Variants in SPTBN1 observed in about 807,000 individuals in gnomAD.
SPTBN1 encodes the protein spectrin beta, non-erythrocytic 1.
A neutral mutation model predicts 266.4 loss-of-function variants in SPTBN1; 32 were observed. The ratio of observed to expected loss-of-function variants is 0.12; its 90% CI spans 0.09 to 0.16. SPTBN1 has a LOEUF of 0.16. Among genes scored for constraint, SPTBN1 ranks in the 10% least tolerant of loss-of-function variants. The pLI, the probability that SPTBN1 is intolerant of heterozygous loss-of-function variation, is 1.00. For missense variants in SPTBN1, 2,296 were observed against 3,067.1 expected (o/e 0.75, Z 5.94); for synonymous variants, 1,336 against 1,162.2 (o/e 1.15, Z -3.04).
At chr2:54,622,213 T>C in intron 8 of SPTBN1, 87 bp from the exon 9 acceptor site, 1 of 1,420,380 alleles carries the variant, frequency 7.0e-7, no homozygotes, top group African/African-American at 1.4e-5. Context: ...CCGGTCGTTT[T>C]GTGTGCATGC....
intron 27 of SPTBN1, 39 bp from the exon 28 acceptor site, chr2:54,655,031 C>T (rs771058182): frequency 1.0e-5 from 16 of 1,573,936 alleles, no homozygotes; most frequent in Admixed American, 1.9e-5. Flanking sequence ...TTTTGAAAAG[C>T]TTGATCTCCT....
intron 7 of SPTBN1, among the ~76,000 whole-genome samples, chr2:54,618,913 T>C (rs1018699655): frequency 3.3e-5 from 5 of 152,238 alleles, no homozygotes; most frequent in African/African-American, 1.2e-4. Context: ...CTGACCTGTT[T>C]GGAGCAGTTC....
In SPTBN1 at chr2:54,631,056, G is replaced by C. The variant is rs79576953; in HGVS notation, c.3009G>C (p.Arg1003=). The part of the protein sequence containing the change: ...ALQRKLTGME[R]DLVAIEAKLS... ...AGCGCAAGCTGACCGGCATGGAGCG[G>C]GACTTGGTGGCCATTGAGGCAAAGC... Residue 1003 remains arginine, a synonymous_variant, in exon 16 of 36, where the codon CGG becomes CGC. Transcript: ENST00000356805. 0.014 allele frequency: 22,146 copies of C among 1,613,996 alleles called. 392 individuals carry two copies. Among genetic ancestry groups the C allele is most frequent in the South Asian group, 0.064 (5,840 of 91,084 alleles).
intron 2 of SPTBN1, among the ~76,000 whole-genome samples, chr2:54,594,366 T>C (rs1280272406): frequency 3.9e-5 from 6 of 152,168 alleles, no homozygotes; most frequent in Non-Finnish European, 8.8e-5. Context: ...ACAAATAAGA[T>C]GCAATATAGC....
chr2:54,508,616 A>AT (rs1573299632), intron 1 of SPTBN1, among the ~76,000 whole-genome samples: 2 of 151,900 alleles, frequency 1.3e-5, no homozygotes, highest in South Asian at 4.2e-4. Flanking sequence ...CTGGAAGGAG[A>AT]TTTTTCTTTG....
intron 1 of SPTBN1, among the ~76,000 whole-genome samples, chr2:54,513,521 A>G (rs1327028625): frequency 6.6e-6 from 1 of 152,186 alleles, no homozygotes; most frequent in East Asian, 1.9e-4. Flanking sequence ...TGCCAAACTC[A>G]CTGAAATTCA....
At chr2:54,572,125 A>G (rs774269414) in intron 2 of SPTBN1, among the ~76,000 whole-genome samples, 1 of 152,048 alleles carries the variant, frequency 6.6e-6, no homozygotes, top group African/African-American at 2.4e-5. Context: ...TGGTGAGGAG[A>G]AGAGGAGAGG....
At chr2:54,498,165 A>C (rs755230738) in intron 1 of SPTBN1, among the ~76,000 whole-genome samples, 1 of 152,164 alleles carries the variant, frequency 6.6e-6, no homozygotes, top group Non-Finnish European at 1.5e-5. Flanking sequence ...CCAAACCCAG[A>C]CTGAAAGGCA....
chr2:54,637,856 A>C, intron 18 of SPTBN1, 53 bp downstream of exon 18: 7 of 1,444,224 alleles, frequency 4.8e-6, no homozygotes, highest in Non-Finnish European at 6.8e-6. Context: ...AGCAATTGCC[A>C]GCCAGCATTT....
rs762545880 is a variant in SPTBN1 at position 54,599,120 on chromosome 2, C to G, written c.177C>G (p.Thr59=). ...ADEREAVQKK[T]FTKWVNSHLA... Reference sequence around the variant, plus strand: ...AGCGTGAAGCCGTGCAGAAGAAGACCTTCACCAAGTGGGTCAATTCCCACC... The same window carrying G: ...AGCGTGAAGCCGTGCAGAAGAAGACGTTCACCAAGTGGGTCAATTCCCACC... The change falls in exon 3 of 36, where the codon ACC becomes ACG. Residue 59 remains threonine, a synonymous_variant. Transcript: ENST00000356805. The G allele has an allele frequency of 2.5e-6, 4 of 1,614,086 alleles. No individual in the cohort carries two copies. The highest frequency in any genetic ancestry group is 3.4e-6 in the Non-Finnish European group (4 of 1,180,002).
chr2:54,473,036 A>T lies in SPTBN1; in HGVS notation c.-48+16518A>T, dbSNP rs577836987. Among the ~76,000 whole-genome samples, 72 of 152,358 alleles carry T rather than the reference A, an allele frequency of 4.7e-4. 1 individual carries two copies. Among genetic ancestry groups the T allele is most frequent in the African/African-American group, 1.7e-3 (70 of 41,590 alleles). On this transcript the variant is annotated intron_variant, in intron 1 of 35. Transcript: ENST00000356805. ...GATTGAGACTAATTGTGATAATTTC[A>T]TAGCTCTGTAGCGTATCCTGAAAAT...
At chr2:54,467,905 A>G (rs1236956449) in intron 1 of SPTBN1, among the ~76,000 whole-genome samples, 1 of 152,148 alleles carries the variant, frequency 6.6e-6, no homozygotes, top group African/African-American at 2.4e-5. Flanking sequence ...ATATCTTTTT[A>G]TTACTGAAAT....
intron 2 of SPTBN1, among the ~76,000 whole-genome samples, chr2:54,552,582 G>C (rs1222924148): frequency 6.6e-6 from 1 of 151,458 alleles, no homozygotes; most frequent in African/African-American, 2.4e-5. Context: ...TCAGCCTCCT[G>C]AGTAGCTGGG....
chr2:54,657,564 TC>T (rs1225314635), intron 29 of SPTBN1, among the ~76,000 whole-genome samples: 1 of 152,270 alleles, frequency 6.6e-6, no homozygotes, highest in Non-Finnish European at 1.5e-5. Flanking sequence ...ATAGTTTTTT[TC>T]ATATTGATTA....
chr2:54,547,923 C>G (rs1408276289), intron 2 of SPTBN1, among the ~76,000 whole-genome samples: 1 of 152,044 alleles, frequency 6.6e-6, no homozygotes, highest in Admixed American at 6.6e-5. Flanking sequence ...GCGGGCAGAT[C>G]ACGAGGTCAG....
chr2:54,498,025 C>G (rs749604331), intron 1 of SPTBN1, among the ~76,000 whole-genome samples: 1 of 152,170 alleles, frequency 6.6e-6, no homozygotes, highest in African/African-American at 2.4e-5. Context: ...GAATCAAGTT[C>G]CTGTCAACTT....
At chr2:54,475,474 G>C (rs1015459118) in intron 1 of SPTBN1, among the ~76,000 whole-genome samples, 1 of 152,048 alleles carries the variant, frequency 6.6e-6, no homozygotes, top group African/African-American at 2.4e-5. Flanking sequence ...AATCACTCTT[G>C]CCTGCTCCCC....
chr2:54,553,342 G>T (rs1672688889), intron 2 of SPTBN1, among the ~76,000 whole-genome samples: 1 of 152,218 alleles, frequency 6.6e-6, no homozygotes. Context: ...CCTAGGAAGG[G>T]AGTGGGTGGG....
intron 1 of SPTBN1, among the ~76,000 whole-genome samples, chr2:54,506,161 A>G (rs1669544450): frequency 7.0e-6 from 1 of 142,832 alleles, no homozygotes. Context: ...ATAAATAAAT[A>G]AAATCTGAAT....
Sources: gnomAD v4.1 joint callset for allele counts (sites outside exome capture counted in the v4.1 genomes callset) on GRCh38, gnomAD v4.1.1 for gene constraint, MANE v1.5 for transcripts, NCBI Gene and HGNC (gene_info 2026-07-23, HGNC 2026-07-21) for gene names.